The following DCDC1 variants were observed in gnomAD, a reference collection of about 807,000 sequenced individuals.
The protein encoded by DCDC1 is doublecortin domain-containing protein 1.
DCDC1 carries 200 observed loss-of-function variants against 178.3 expected under a neutral mutation model. The observed-to-expected ratio is 1.12, with a 90% confidence interval of 1.00 to 1.26. The LOEUF is 1.26. DCDC1 is among the 50% of genes most tolerant of loss of function. The pLI is 0.00. For synonymous variants in DCDC1, 690 were observed against 604.8 expected, an observed-to-expected ratio of 1.14 and a Z score of -2.07; for missense variants, 1,983 against 1,749.2, an observed-to-expected ratio of 1.13 and a Z score of -2.38.
chr11:30,991,523 T>C (rs549800457), intron 20 of DCDC1, among the ~76,000 whole-genome samples: 1 of 152,180 alleles, frequency 6.6e-6, no homozygotes, highest in Admixed American at 6.5e-5. Flanking sequence ...ACAGCTCAAA[T>C]TGGGAAACTT....
At chr11:30,975,195 A>G (rs1950037377) in intron 20 of DCDC1, among the ~76,000 whole-genome samples, 1 of 152,156 alleles carries the variant, frequency 6.6e-6, no homozygotes, top group Non-Finnish European at 1.5e-5. Flanking sequence ...AAAACTATCA[A>G]CAAACTAGAC....
chr11:31,197,431 T>C (rs554235420), intron 9 of DCDC1, among the ~76,000 whole-genome samples: 2 of 152,250 alleles, frequency 1.3e-5, no homozygotes, highest in East Asian at 1.9e-4. Context: ...TAAACTATAA[T>C]AGATAATGCA....
At chr11:31,021,012 A>G (rs767851386) in intron 20 of DCDC1, among the ~76,000 whole-genome samples, 1 of 152,244 alleles carries the variant, frequency 6.6e-6, no homozygotes, top group Non-Finnish European at 1.5e-5. Flanking sequence ...CTCCACTTAA[A>G]ATAATTGCAA....
chr11:30,880,133 T>C (rs1431494130), intron 37 of DCDC1, among the ~76,000 whole-genome samples: 2 of 152,162 alleles, frequency 1.3e-5, no homozygotes, highest in African/African-American at 4.8e-5. Context: ...TTACTGATAA[T>C]AAGAACCTCA....
At chr11:31,081,772 C>A (rs1307655401) in intron 17 of DCDC1, among the ~76,000 whole-genome samples, 2 of 152,106 alleles carry the variant, frequency 1.3e-5, no homozygotes, top group Non-Finnish European at 1.5e-5. Flanking sequence ...CCTCTGGGAG[C>A]TTACTAGTAT....
chr11:31,358,229 C>A (rs962782910), intron 1 of DCDC1, among the ~76,000 whole-genome samples: 8 of 151,860 alleles, frequency 5.3e-5, no homozygotes, highest in Admixed American at 3.9e-4. Context: ...GGTACTGGTA[C>A]CAAAACAGAG....
chr11:30,930,726 G>C (rs1565089846), intron 22 of DCDC1, among the ~76,000 whole-genome samples: 1 of 152,076 alleles, frequency 6.6e-6, no homozygotes, highest in Non-Finnish European at 1.5e-5. Context: ...TAGAAAACAA[G>C]AAAAATAATG....
At chr11:31,272,430 C>A (rs543431404) in intron 7 of DCDC1, among the ~76,000 whole-genome samples, 2 of 152,286 alleles carry the variant, frequency 1.3e-5, no homozygotes, top group African/African-American at 4.8e-5. Flanking sequence ...TTCATTTTAG[C>A]ATTAACTCAA....
At chr11:31,307,227 A>G (rs1395691440) in intron 4 of DCDC1, among the ~76,000 whole-genome samples, 1 of 152,242 alleles carries the variant, frequency 6.6e-6, no homozygotes, top group Non-Finnish European at 1.5e-5. Context: ...TCTCATGTTA[A>G]CAGTTTATGA....
At chr11:31,336,598 C>G (rs775896607) in intron 1 of DCDC1, among the ~76,000 whole-genome samples, 28 of 152,128 alleles carry the variant, frequency 1.8e-4, no homozygotes, top group Non-Finnish European at 3.5e-4. Context: ...ATTGCAATGT[C>G]CTAATGTGTC....
chr11:31,146,071 G>C (rs1964414029), intron 9 of DCDC1, among the ~76,000 whole-genome samples: 1 of 144,708 alleles, frequency 6.9e-6, no homozygotes. Flanking sequence ...GTTTAATCCA[G>C]TCTTTTTTTT....
intron 36 of DCDC1, chr11:30,883,490 A>T (rs1237539700): frequency 2.2e-6 from 1 of 461,510 alleles, no homozygotes; most frequent in East Asian, 7.2e-5. Flanking sequence ...CCAAATAAAG[A>T]TCCATGTCTT....
At chr11:31,078,323 T>C (rs142663710) in intron 17 of DCDC1, among the ~76,000 whole-genome samples, 48 of 152,270 alleles carry the variant, frequency 3.2e-4, no homozygotes, top group Middle Eastern at 6.8e-3. Context: ...CATGGAAAAT[T>C]AGGAACCTCA....
chr11:31,328,422 C>A (rs1949763729), intron 2 of DCDC1, 136 bp from the exon 3 acceptor site: 3 of 825,582 alleles, frequency 3.6e-6, no homozygotes, highest in Non-Finnish European at 5.2e-6. Flanking sequence ...ATGTGAAATT[C>A]CCTTAGTAAT....
chr11:31,195,985 AC>A (rs1308705032), intron 9 of DCDC1, among the ~76,000 whole-genome samples: 1 of 151,738 alleles, frequency 6.6e-6, no homozygotes, highest in African/African-American at 2.4e-5. Context: ...CCTCCTTGTT[AC>A]CCTCCTTTCA....
intron 10 of DCDC1, among the ~76,000 whole-genome samples, chr11:31,129,572 A>T (rs531631093): frequency 4.6e-5 from 7 of 152,196 alleles, no homozygotes; most frequent in Admixed American, 2.0e-4. Flanking sequence ...TTACAAAAAA[A>T]AATAATAATA....
chr11:30,870,900 T>C (rs1941486157), intron 38 of DCDC1, among the ~76,000 whole-genome samples: 1 of 152,110 alleles, frequency 6.6e-6, no homozygotes, highest in African/African-American at 2.4e-5. Flanking sequence ...CATTCCTCAG[T>C]AGTGAAGGGA....
intron 26 of DCDC1, 37 bp downstream of exon 26, chr11:30,916,833 C>G: frequency 6.4e-7 from 1 of 1,555,664 alleles, no homozygotes; most frequent in Non-Finnish European, 8.7e-7. Context: ...TAACACTAGA[C>G]AGAAATCTTT....
chr11:31,250,430 G>GCACACACACA (rs1565496619), intron 8 of DCDC1, among the ~76,000 whole-genome samples: 1 of 84,848 alleles, frequency 1.2e-5, no homozygotes, highest in East Asian at 5.8e-4. Context: ...ACATATATAT[G>GCACACACACA]TATATATATA....
Sources: gnomAD v4.1 joint callset for allele counts (sites outside exome capture counted in the v4.1 genomes callset) on GRCh38, gnomAD v4.1.1 for gene constraint, MANE v1.5 for transcripts, NCBI Gene and HGNC (gene_info 2026-07-23, HGNC 2026-07-21) for gene names.